GABRA1: variants seen among roughly 807,000 people sequenced by gnomAD.
GABRA1 encodes gamma-aminobutyric acid type A receptor subunit alpha1.
Under a neutral mutation model 48.9 loss-of-function variants are expected in GABRA1, and 9 were observed. That is an observed-to-expected ratio of 0.18 (90% confidence interval 0.11 to 0.32). GABRA1 has a LOEUF of 0.32. GABRA1 is among the 10% of genes least tolerant of loss of function. The pLI is 1.00. For synonymous variants in GABRA1, 210 were observed against 198.7 expected (o/e 1.06, Z -0.48); for missense variants, 285 against 553.8 (o/e 0.51, Z 4.87).
At chr5:161,892,918 G>C (rs1266580621) in intron 8 of GABRA1, among the ~76,000 whole-genome samples, 1 of 151,314 alleles carries the variant, frequency 6.6e-6, no homozygotes, top group Non-Finnish European at 1.5e-5. Context: ...GCAGGAGAAT[G>C]GCTTGAACCC....
intron 3 of GABRA1, among the ~76,000 whole-genome samples, chr5:161,863,431 A>C (rs575010228): frequency 6.6e-6 from 1 of 151,936 alleles, no homozygotes; most frequent in Admixed American, 6.6e-5. Context: ...AGGGGAGCAG[A>C]TGTATCACAT....
At chr5:161,869,313 T>A (rs569789152) in intron 4 of GABRA1, among the ~76,000 whole-genome samples, 1 of 152,182 alleles carries the variant, frequency 6.6e-6, no homozygotes. Context: ...CATCTAATCC[T>A]TGTGCAAACC....
In GABRA1 at chr5:161,854,239, T is replaced by C. The variant is rs1129647; in HGVS notation, c.156T>C (p.Gly52=). Residue 52 remains glycine (G), a synonymous_variant, in exon 3 of 10, where the codon GGT becomes GGC. Transcript: ENST00000393943. ...GGATTTTGGACAGACTCCTAGATGG[T>C]TATGACAATCGCCTGAGACCAGGAT... The part of the protein sequence containing the change: ...FTRILDRLLD[G]YDNRLRPGLG... 416,250 of 1,596,510 alleles carry C rather than the reference T, an allele frequency of 0.26. 55,970 individuals are homozygous for C. The highest frequency in any genetic ancestry group is 0.29 in the East Asian group (12,920 of 44,698).
chr5:161,875,528 G>T, intron 5 of GABRA1, 32 bp from the exon 6 acceptor site: 1 of 1,532,700 alleles, frequency 6.5e-7, no homozygotes, highest in Non-Finnish European at 9.0e-7. Context: ...TAATCTATAT[G>T]GCTCTTGTTT....
chr5:161,892,733 C>T (rs931584274), intron 8 of GABRA1, among the ~76,000 whole-genome samples: 3 of 152,002 alleles, frequency 2.0e-5, no homozygotes, highest in East Asian at 3.9e-4. Context: ...AGGCCGGGCA[C>T]GGGGCCCACG....
At chr5:161,874,269 A>G (rs1279113304) in intron 5 of GABRA1, among the ~76,000 whole-genome samples, 2 of 152,160 alleles carry the variant, frequency 1.3e-5, no homozygotes, top group Non-Finnish European at 2.9e-5. Context: ...AAACATCCAA[A>G]AGAAAAGAAA....
In GABRA1 at chr5:161,897,145, A is replaced by G. The variant is rs1159843153; in HGVS notation, c.1094A>G (p.Asn365Ser). 3.1e-6 allele frequency: 5 copies of G among 1,613,920 alleles called. No homozygotes were observed. The East Asian group carries it at 6.7e-5, about 22-fold the overall frequency. The part of the protein sequence containing the change: ...KKVKDPLIKK[N>S]NTYAPTATSY... ...GTAAAGGATCCTCTTATTAAGAAAA[A>G]CAACACTTACGCTCCAACAGCAACC... Residue 365 changes from asparagine (N) to serine (S), a missense_variant, in exon 10 of 10, where the codon AAC becomes AGC. Coordinates refer to ENST00000393943, the MANE Select transcript of GABRA1 (RefSeq NM_001127644.2).
chr5:161,897,266 A>G lies in GABRA1; in HGVS notation c.1215A>G (p.Lys405=). 1.9e-6 allele frequency: 3 copies of G among 1,614,182 alleles called. No homozygotes were observed. In the South Asian group the frequency reaches 3.3e-5, roughly 18 times the overall value. ...IEPKEVKPET[K]PPEPKKTFNS... ...CTAAAGAGGTCAAGCCCGAAACAAA[A>G]CCACCAGAACCCAAGAAAACCTTTA... The change falls in exon 10 of 10, where the codon AAA becomes AAG. Residue 405 remains lysine (K), a synonymous_variant. Transcript: ENST00000393943.
chr5:161,847,902 C>T (rs773487546), upstream of GABRA1: 1 of 152,200 alleles, frequency 6.6e-6, no homozygotes, highest in Non-Finnish European at 1.5e-5. Context: ...CTCACCCTTT[C>T]TACCCTTCCC....
At chr5:161,863,565 C>T (rs1005531132) in intron 3 of GABRA1, among the ~76,000 whole-genome samples, 17 of 152,004 alleles carry the variant, frequency 1.1e-4, no homozygotes, top group South Asian at 2.1e-4. Flanking sequence ...GGGATCCACC[C>T]CCAAAATCCA....
intron 7 of GABRA1, among the ~76,000 whole-genome samples, chr5:161,890,573 G>A (rs1452751138): frequency 6.6e-6 from 1 of 151,990 alleles, no homozygotes; most frequent in East Asian, 1.9e-4. Flanking sequence ...TTAGCATATT[G>A]CCTTCTCAGT....
In GABRA1 at chr5:161,865,722, G is replaced by A. The variant is rs1214048542; in HGVS notation, c.189G>A (p.Glu63=). The A allele has an allele frequency of 1.2e-6, 2 of 1,612,886 alleles. No homozygotes were observed. Among genetic ancestry groups the A allele is most frequent in the Non-Finnish European group, 1.7e-6 (2 of 1,179,066 alleles). Residue 63 remains glutamate (E), a splice_region_variant and synonymous_variant, in exon 4 of 10, where the codon GAG becomes GAA. Coordinates refer to ENST00000393943, the MANE Select transcript of GABRA1 (RefSeq NM_001127644.2). ...YDNRLRPGLG[E]RVTEVKTDIF... ...TCGCCCAATTTCCTGCTTCAACAGA[G>A]CGTGTAACCGAAGTGAAGACTGATA...
At chr5:161,847,441 A>T (rs576498996), upstream of GABRA1, 2 of 152,340 alleles carry the variant, frequency 1.3e-5, no homozygotes, top group South Asian at 4.1e-4. Flanking sequence ...CTCCATGATA[A>T]CATAGACAAA....
intron 3 of GABRA1, among the ~76,000 whole-genome samples, chr5:161,855,581 C>G (rs990205759): frequency 6.6e-6 from 1 of 151,184 alleles, no homozygotes; most frequent in Non-Finnish European, 1.5e-5. Flanking sequence ...AAATGGGGAG[C>G]CTAATTTTGT....
At chr5:161,853,624 T>C (rs1757534893) in intron 2 of GABRA1, 1 of 151,866 alleles carries the variant, frequency 6.6e-6, no homozygotes, top group African/African-American at 2.4e-5. Flanking sequence ...GATGTAAAAA[T>C]ATAATTGTCC....
At chr5:161,882,733 G>GGAA (rs759914626) in intron 7 of GABRA1, 32 bp downstream of exon 7, 1 of 1,584,436 alleles carries the variant, frequency 6.3e-7, no homozygotes, top group Non-Finnish European at 8.7e-7. Flanking sequence ...CAGTTATGGA[G>GGAA]GAAGAAGAAG....
rs1053575333 is a variant in GABRA1 at position 161,854,135 on chromosome 5, C to T, written c.75-23C>T. The T allele has an allele frequency of 1.2e-5, 14 of 1,209,952 alleles. No individual in the cohort carries two copies. The African/African-American group carries it at 1.4e-4, about 12-fold the overall frequency. The allele number at this position is 1,209,952 out of a possible 1,614,324, so 75.0% of individuals were successfully genotyped here. The stretch of plus-strand genomic sequence containing the variant: ...GTAGAAATGTATAATTTAGCTATTG[C>T]TTCTCTTTATGTTTTTTTTCAGCTA... On this transcript the variant is annotated intron_variant, in intron 2 of 9. Transcript: ENST00000393943.
rs767535362 is a variant in GABRA1, at chr5:161,897,287, C to A, written c.1236C>A (p.Thr412=). 1 of 1,614,154 alleles carries A rather than the reference C, an allele frequency of 6.2e-7. No individual in the cohort carries two copies. The highest frequency in any genetic ancestry group is 8.5e-7 in the Non-Finnish European group (1 of 1,180,016). ...PETKPPEPKK[T]FNSVSKIDRL... is the part of the protein sequence containing the mutation. The stretch of plus-strand genomic sequence containing the variant: ...CAAAACCACCAGAACCCAAGAAAAC[C>A]TTTAACAGTGTCAGCAAAATTGACC... Residue 412 remains threonine, a synonymous_variant, in exon 10 of 10, where the codon ACC becomes ACA. Transcript: ENST00000393943.
chr5:161,854,718 A>G (rs1483432541), intron 3 of GABRA1, among the ~76,000 whole-genome samples: 1 of 151,576 alleles, frequency 6.6e-6, no homozygotes, highest in Non-Finnish European at 1.5e-5. Context: ...AATTGCCACC[A>G]CCTCTAGGAT....
Sources: allele counts gnomAD v4.1 joint callset (sites outside exome capture counted in the v4.1 genomes callset), GRCh38; gene constraint gnomAD v4.1.1; transcripts MANE v1.5; gene names NCBI Gene and HGNC (gene_info 2026-07-23, HGNC 2026-07-21).